The following MAOA variants were observed in gnomAD, a reference collection of about 807,000 sequenced individuals.
MAOA encodes amine oxidase [flavin-containing] A.
A neutral mutation model predicts 42.0 loss-of-function variants in MAOA; 6 were observed. The observed-to-expected ratio is 0.14, with a 90% CI of 0.08 to 0.28. MAOA has a LOEUF of 0.28. Ranked by LOEUF, MAOA falls within the 10% of genes least tolerant of loss-of-function variation. The probability of loss-of-function intolerance (pLI) is 1.00; values close to 1 mark genes in which losing one functional copy is unlikely to be tolerated. For missense variants in MAOA, 262 were observed against 422.3 expected (o/e 0.62, Z 3.33); for synonymous variants, 140 against 154.0 (o/e 0.91, Z 0.67).
chrX:43,732,956 G>A (rs186688093), intron 9 of MAOA, among the ~76,000 whole-genome samples, 161 bp downstream of exon 9: 21 of 112,190 alleles, frequency 1.9e-4, no homozygotes, highest in African/African-American at 5.8e-4. Flanking sequence ...GTAATGTTTC[G>A]TATGTAGCAC....
At chrX:43,743,532 TCTGG>T (rs1346171478) in intron 12 of MAOA, among the ~76,000 whole-genome samples, 1 of 111,784 alleles carries the variant, frequency 8.9e-6, no homozygotes, top group African/African-American at 3.3e-5. Flanking sequence ...ATATTCCAGC[TCTGG>T]CTGGCTTGGA....
intron 4 of MAOA, 54 bp from the exon 5 acceptor site, chrX:43,712,651 G>A (rs1260207631): frequency 9.8e-6 from 8 of 816,309 alleles, no homozygotes; most frequent in East Asian, 3.2e-5. Context: ...GGGCCTTCCC[G>A]AGAAGAGGTG....
intron 3 of MAOA, among the ~76,000 whole-genome samples, chrX:43,706,499 T>C (rs886229372): frequency 3.4e-4 from 38 of 110,966 alleles, no homozygotes; most frequent in African/African-American, 1.2e-3. Flanking sequence ...CCCTTCACTG[T>C]TGGGGCCAGG....
intron 1 of MAOA, among the ~76,000 whole-genome samples, chrX:43,671,669 A>T (rs1316952395): frequency 9.8e-6 from 1 of 101,670 alleles, no homozygotes; most frequent in Admixed American, 1.1e-4. Flanking sequence ...ATGGCTAGCC[A>T]GTTTTCCCAG....
At chrX:43,676,503 A>G (rs2033398448) in intron 1 of MAOA, among the ~76,000 whole-genome samples, 1 of 111,746 alleles carries the variant, frequency 8.9e-6, no homozygotes, top group Non-Finnish European at 1.9e-5. Flanking sequence ...CCAGTACATC[A>G]GATGGAAATG....
In MAOA at chrX:43,726,842, A is replaced by T. The variant is rs148793885; in HGVS notation, c.504-1331A>T. Among the ~76,000 whole-genome samples, 1,056 of 111,306 alleles carry T rather than the reference A, an allele frequency of 9.5e-3. 11 individuals are homozygous for T. The highest frequency in any genetic ancestry group is 0.012 in the Non-Finnish European group (627 of 53,014). On this transcript the variant is annotated intron_variant, in intron 5 of 14. Transcript: ENST00000338702. ...CTACCTTTGGTCTTTGATGTTGGTGACCTATGGATGGGGTTTCTGTGTGGA... is the reference window on the plus strand; with the variant it reads ...CTACCTTTGGTCTTTGATGTTGGTGTCCTATGGATGGGGTTTCTGTGTGGA...
At chrX:43,661,214 T>C (rs1421546975) in intron 1 of MAOA, among the ~76,000 whole-genome samples, 1 of 111,486 alleles carries the variant, frequency 9.0e-6, no homozygotes, top group Non-Finnish European at 1.9e-5. Context: ...AAGCAGTGAC[T>C]GGGGATCATG....
chrX:43,722,233 A>G (rs1358286870), intron 5 of MAOA, among the ~76,000 whole-genome samples: 1 of 112,116 alleles, frequency 8.9e-6, no homozygotes, highest in African/African-American at 3.2e-5. Flanking sequence ...GTCAAATGGT[A>G]TTTCTAGTTC....
chrX:43,693,207 A>G, intron 2 of MAOA, 84 bp from the exon 3 acceptor site: 1 of 1,008,276 alleles, frequency 9.9e-7, no homozygotes, highest in Non-Finnish European at 1.4e-6. Context: ...ACTTTTAAAA[A>G]AATAAATGGG....
At chrX:43,676,597 A>G (rs931758231) in intron 1 of MAOA, among the ~76,000 whole-genome samples, 1 of 111,559 alleles carries the variant, frequency 9.0e-6, no homozygotes, top group African/African-American at 3.3e-5. Flanking sequence ...GCTGCCCTCC[A>G]GTCTCTGAAG....
At position 43,683,543 on chromosome X, in the gene MAOA, A is replaced by G; in HGVS notation, c.104A>G (p.Tyr35Cys). 1 of 1,210,276 alleles carries G rather than the reference A, an allele frequency of 8.3e-7. No homozygotes were observed. Among genetic ancestry groups the G allele is most frequent in the Non-Finnish European group, 1.1e-6 (1 of 894,289 alleles). ...TCTGCTGCCAAACTCTTGACTGAAT[A>G]TGGCGTTAGTGTTTTGGTTTTAGAA... ...GLSAAKLLTE[Y>C]GVSVLVLEAR... Residue 35 changes from tyrosine (Y) to cysteine (C), a missense_variant, in exon 2 of 15, where the codon TAT becomes TGT. Around this residue, in one of 3 missense-constraint regions of MAOA, gnomAD observed 141 missense variants for 195.6 expected, o/e 0.72. Coordinates refer to ENST00000338702, the MANE Select transcript of MAOA (RefSeq NM_000240.4).
intron 1 of MAOA, among the ~76,000 whole-genome samples, chrX:43,660,116 C>G (rs757894442): frequency 9.0e-6 from 1 of 111,316 alleles, no homozygotes; most frequent in East Asian, 2.8e-4. Context: ...TTATTCCATA[C>G]CTCTATGTCT....
chrX:43,701,337 T>C (rs2033623903), intron 3 of MAOA, among the ~76,000 whole-genome samples: 1 of 111,438 alleles, frequency 9.0e-6, no homozygotes, highest in South Asian at 3.8e-4. Flanking sequence ...AGATTTGGTT[T>C]CAAAAATATA....
At chrX:43,657,790 T>C (rs942664217) in intron 1 of MAOA, 2 of 377,295 alleles carry the variant, frequency 5.3e-6, no homozygotes, top group African/African-American at 5.6e-5. Context: ...TCGAGGAGAC[T>C]CTGAACATGC....
intron 2 of MAOA, among the ~76,000 whole-genome samples, chrX:43,691,114 G>T (rs1248413973): frequency 1.8e-5 from 2 of 111,417 alleles, no homozygotes; most frequent in Non-Finnish European, 3.8e-5. Context: ...CCAGATGTGG[G>T]GCTCACGCCT....
intron 1 of MAOA, among the ~76,000 whole-genome samples, chrX:43,660,543 A>G (rs2033224417): frequency 1.8e-5 from 2 of 111,072 alleles, no homozygotes; most frequent in Non-Finnish European, 3.8e-5. Context: ...CACTACGTTT[A>G]TTTAGTCCCT....
chrX:43,736,072 A>G (rs1370023953), intron 9 of MAOA, among the ~76,000 whole-genome samples, 155 bp from the exon 10 acceptor site: 4 of 111,698 alleles, frequency 3.6e-5, no homozygotes, highest in Non-Finnish European at 7.5e-5. Context: ...CAGGCAGACC[A>G]AAGACAATAT....
At chrX:43,695,664 C>T (rs1380788402) in intron 3 of MAOA, among the ~76,000 whole-genome samples, 4 of 111,370 alleles carry the variant, frequency 3.6e-5, no homozygotes, top group Admixed American at 1.9e-4. Flanking sequence ...CCCAGGAGGT[C>T]GAGGTTACAG....
chrX:43,739,515 T>C (rs756405909), intron 10 of MAOA, among the ~76,000 whole-genome samples: 75 of 112,423 alleles, frequency 6.7e-4, no homozygotes, highest in Non-Finnish European at 8.8e-4. Flanking sequence ...CTTTGTCCCA[T>C]GTTATTCAGA....
Sources: gnomAD v4.1 joint callset for allele counts (sites outside exome capture counted in the v4.1 genomes callset) on GRCh38, gnomAD v4.1.1 for gene constraint, gnomAD v4.1.1 regional missense constraint, MANE v1.5 for transcripts, NCBI Gene and HGNC (gene_info 2026-07-23, HGNC 2026-07-21) for gene names.